Variants in TTC28 observed in about 807,000 individuals in gnomAD.
TTC28 encodes the protein tetratricopeptide repeat domain 28.
TTC28 carries 61 observed loss-of-function variants against 198.0 expected under a neutral mutation model. That is an observed-to-expected ratio of 0.31 (90% CI 0.25 to 0.38). The LOEUF is 0.38. Ranked by LOEUF, TTC28 falls within the 10% of genes least tolerant of loss-of-function variation. The pLI is 1.00. For missense variants in TTC28, 2,678 were observed against 3,164.0 expected, an observed-to-expected ratio of 0.85 and a Z score of 3.69; for synonymous variants, 1,171 against 1,297.8, an observed-to-expected ratio of 0.90 and a Z score of 2.10.
chr22:28,091,491 C>G (rs958337018), intron 12 of TTC28, among the ~76,000 whole-genome samples: 2 of 152,018 alleles, frequency 1.3e-5, no homozygotes, highest in Non-Finnish European at 2.9e-5. Context: ...TGTCATACAC[C>G]CAAGTACCTT....
intron 5 of TTC28, among the ~76,000 whole-genome samples, chr22:28,187,255 C>T (rs928109087): frequency 3.9e-5 from 6 of 152,034 alleles, no homozygotes; most frequent in African/African-American, 1.4e-4. Context: ...AAAATAAAGC[C>T]TGGAAAGAAG....
At chr22:28,258,564 T>C (rs891091743) in intron 5 of TTC28, among the ~76,000 whole-genome samples, 39 of 151,980 alleles carry the variant, frequency 2.6e-4, no homozygotes, top group Non-Finnish European at 4.4e-4. Context: ...GAAAGACATA[T>C]GAATGTCTAA....
intron 21 of TTC28, chr22:27,986,044 C>T (rs1186683794): frequency 6.5e-6 from 1 of 152,764 alleles, no homozygotes; most frequent in Non-Finnish European, 1.5e-5. Flanking sequence ...TACAGGGACA[C>T]CTGCAAGTAT....
intron 2 of TTC28, among the ~76,000 whole-genome samples, chr22:28,438,166 G>A (rs993699718): frequency 1.3e-5 from 2 of 152,042 alleles, no homozygotes; most frequent in African/African-American, 4.8e-5. Context: ...ATAAATTGTG[G>A]CCCAAAATGA....
chr22:28,045,969 CA>C (rs773712967), intron 12 of TTC28, among the ~76,000 whole-genome samples: 2 of 151,970 alleles, frequency 1.3e-5, no homozygotes, highest in Admixed American at 6.6e-5. Context: ...GGCTCTGTCT[CA>C]AAAACGAAAA....
intron 2 of TTC28, among the ~76,000 whole-genome samples, chr22:28,608,392 G>A (rs929007498): frequency 1.3e-5 from 2 of 152,180 alleles, no homozygotes; most frequent in African/African-American, 4.8e-5. Flanking sequence ...GCCTAACTCA[G>A]AGGTAGCTGT....
chr22:28,220,552 C>T (rs1927774540), intron 5 of TTC28, among the ~76,000 whole-genome samples: 1 of 152,230 alleles, frequency 6.6e-6, no homozygotes. Flanking sequence ...CTGCCCTCAG[C>T]TCCTCAAAGC....
chr22:28,304,998 A>T (rs2045109616), intron 3 of TTC28, among the ~76,000 whole-genome samples: 1 of 151,124 alleles, frequency 6.6e-6, no homozygotes, highest in South Asian at 2.1e-4. Context: ...TTATTTATTT[A>T]TTTATTTTGA....
At chr22:28,262,786 A>G (rs1191171521) in intron 5 of TTC28, among the ~76,000 whole-genome samples, 3 of 152,332 alleles carry the variant, frequency 2.0e-5, no homozygotes, top group Admixed American at 1.3e-4. Context: ...ACAAGGCCCA[A>G]GTAGAAATGG....
chr22:28,028,476 T>G lies in TTC28; in HGVS notation c.4073+1750A>C, dbSNP rs996902050. Among the ~76,000 whole-genome samples the G allele has an allele frequency of 1.4e-4, 22 of 152,208 alleles. 1 individual carries two copies. Among genetic ancestry groups the G allele is most frequent in the Non-Finnish European group, 4.4e-5 (3 of 68,040 alleles). On this transcript the variant is annotated intron_variant, in intron 13 of 22. Coordinates refer to ENST00000397906, the MANE Select transcript of TTC28 (RefSeq NM_001145418.2). ...GGTTAATAAGCTAGGGCCCTAGATA[T>G]ACCTGGCTTGACCCTTTTCTTCCAT...
At chr22:28,279,882 T>G (rs1272235392) in intron 5 of TTC28, among the ~76,000 whole-genome samples, 2 of 152,246 alleles carry the variant, frequency 1.3e-5, no homozygotes, top group Non-Finnish European at 2.9e-5. Flanking sequence ...AATTATAAAG[T>G]ATGTCCTCTT....
At chr22:28,048,419 T>C (rs1239165511) in intron 12 of TTC28, among the ~76,000 whole-genome samples, 1 of 152,020 alleles carries the variant, frequency 6.6e-6, no homozygotes, top group East Asian at 1.9e-4. Flanking sequence ...AGGGAGACCC[T>C]TTATGTCCTC....
Position 28,297,794 on chromosome 22 carries a change from A to G in TTC28, c.588T>C (p.Phe196=). 6.4e-7 allele frequency: 1 copy of G among 1,551,658 alleles called. No individual in the cohort carries two copies. The highest frequency in any genetic ancestry group is 8.7e-7 in the Non-Finnish European group (1 of 1,146,984). ...LQKMKLDKSP[F]VVVSVVGQEL... ...CCTGCCCAACCACAGACACGACCACAAAGGGACTCTTGTCCAGTTTCATTT... is the reference window on the plus strand; with the variant it reads ...CCTGCCCAACCACAGACACGACCACGAAGGGACTCTTGTCCAGTTTCATTT... Residue 196 remains phenylalanine, a synonymous_variant, in exon 4 of 23, where the codon TTT becomes TTC. Coordinates refer to ENST00000397906, the MANE Select transcript of TTC28 (RefSeq NM_001145418.2).
At chr22:28,251,657 T>C (rs77392046) in intron 5 of TTC28, among the ~76,000 whole-genome samples, 3,143 of 152,320 alleles carry the variant, frequency 0.021, 34 homozygotes, top group Non-Finnish European at 0.027. Flanking sequence ...AAGCGATTTA[T>C]TTAACCTTTT....
At chr22:28,100,108 A>C (rs1942099940) in intron 9 of TTC28, among the ~76,000 whole-genome samples, 1 of 152,192 alleles carries the variant, frequency 6.6e-6, no homozygotes. Context: ...GATGACTCTG[A>C]TATTTACATG....
At chr22:28,006,438 T>C (rs908925479) in intron 14 of TTC28, 1 of 152,244 alleles carries the variant, frequency 6.6e-6, no homozygotes, top group Non-Finnish European at 1.5e-5. Flanking sequence ...CTATTATTTA[T>C]ACTATTCTTT....
chr22:28,382,702 G>T (rs1370284200), intron 2 of TTC28, among the ~76,000 whole-genome samples: 1 of 152,126 alleles, frequency 6.6e-6, no homozygotes, highest in African/African-American at 2.4e-5. Flanking sequence ...ACATCCAAGT[G>T]GCTACAGCAA....
intron 2 of TTC28, among the ~76,000 whole-genome samples, chr22:28,540,623 TG>T (rs2049392623): frequency 6.6e-6 from 1 of 152,218 alleles, no homozygotes; most frequent in African/African-American, 2.4e-5. Context: ...TTATTTAAGT[TG>T]ATCAAATTAG....
At chr22:28,539,701 G>A (rs923611789) in intron 2 of TTC28, among the ~76,000 whole-genome samples, 1 of 151,686 alleles carries the variant, frequency 6.6e-6, no homozygotes, top group Non-Finnish European at 1.5e-5. Context: ...ATGGGGAGAA[G>A]AATCAGAAAA....
Sources: gnomAD v4.1 joint callset for allele counts (sites outside exome capture counted in the v4.1 genomes callset) on GRCh38, gnomAD v4.1.1 for gene constraint, MANE v1.5 for transcripts, NCBI Gene and HGNC (gene_info 2026-07-23, HGNC 2026-07-21) for gene names.